SDC1: variants seen among roughly 807,000 people sequenced by gnomAD.
The protein encoded by SDC1 is syndecan-1.
Under a neutral mutation model 29.7 loss-of-function variants are expected in SDC1, and 14 were observed. The ratio of observed to expected loss-of-function variants is 0.47; its 90% CI spans 0.31 to 0.74. The LOEUF (loss-of-function observed/expected upper bound fraction) is 0.74, where lower values mean the gene tolerates loss of function less well. SDC1 is among the 30% of genes least tolerant of loss of function. The probability of loss-of-function intolerance (pLI) is 0.05; values close to 1 mark genes in which losing one functional copy is unlikely to be tolerated. For synonymous variants in SDC1, 204 were observed against 175.5 expected (o/e 1.16, Z -1.29); for missense variants, 406 against 400.3 (o/e 1.01, Z -0.12).
intron 1 of SDC1, among the ~76,000 whole-genome samples, chr2:20,215,931 G>C (rs538887262): frequency 6.6e-6 from 1 of 152,334 alleles, no homozygotes; most frequent in South Asian, 2.1e-4. Flanking sequence ...CTCAATAAAG[G>C]CAGGAAGGCC....
intron 1 of SDC1, among the ~76,000 whole-genome samples, chr2:20,218,908 C>T (rs576092887): frequency 1.4e-4 from 21 of 152,252 alleles, no homozygotes; most frequent in Middle Eastern, 3.4e-3. Context: ...TTTCCCAGGG[C>T]TGACGGCCAG....
intron 1 of SDC1, 89 bp from the exon 2 acceptor site, chr2:20,205,513 A>G: frequency 9.6e-7 from 1 of 1,040,980 alleles, no homozygotes; most frequent in Non-Finnish European, 1.5e-6. Context: ...GAGTGGACTC[A>G]CCCTACCCTG....
At chr2:20,219,189 G>A (rs1051411674) in intron 1 of SDC1, among the ~76,000 whole-genome samples, 2 of 151,850 alleles carry the variant, frequency 1.3e-5, no homozygotes, top group African/African-American at 4.8e-5. Flanking sequence ...ACCCTTACAG[G>A]CCCTGCCAAA....
chr2:20,209,458 G>A (rs2148287497), intron 1 of SDC1, among the ~76,000 whole-genome samples: 1 of 152,316 alleles, frequency 6.6e-6, no homozygotes, highest in Admixed American at 6.5e-5. Context: ...TCAGTGGGAT[G>A]GAGTTTCACT....
chr2:20,205,297 G>A, intron 2 of SDC1, 46 bp downstream of exon 2: 1 of 1,427,766 alleles, frequency 7.0e-7, no homozygotes, highest in Non-Finnish European at 9.9e-7. Context: ...CCACAGGCAT[G>A]ACCTGTTGCC....
In SDC1 at chr2:20,202,448, C is replaced by G. The variant is rs372847300; in HGVS notation, c.*318G>C. 6.3e-5 allele frequency: 38 copies of G among 601,112 alleles called. No individual in the cohort carries two copies. Among genetic ancestry groups the G allele is most frequent in the African/African-American group, 5.0e-4 (27 of 53,492 alleles). 37.2% of individuals were successfully genotyped at this position (601,112 alleles called of 1,614,324 possible). A position where few individuals can be genotyped will look rare whatever the true frequency, so the allele number is the denominator to read the frequency against. On this transcript the variant is annotated 3_prime_UTR_variant, in exon 5 of 5. Transcript: ENST00000254351. The stretch of plus-strand genomic sequence containing the variant: ...GGTCCAAAGCAGTCGGATCCCCCTC[C>G]CCTCCAGAGCTGGACCTGGGGAGAG...
chr2:20,224,887 G>A lies in SDC1; in HGVS notation c.-20C>T. 8.2e-7 allele frequency: 1 copy of A among 1,216,712 alleles called. No homozygotes were observed. Among genetic ancestry groups the A allele is most frequent in the Non-Finnish European group, 1.0e-6 (1 of 979,268 alleles). The allele number at this position is 1,216,712 out of a possible 1,614,324, so 75.4% of individuals were successfully genotyped here. A position where few individuals can be genotyped will look rare whatever the true frequency, so the allele number is the denominator to read the frequency against. On this transcript the variant is annotated 5_prime_UTR_variant, in exon 1 of 5. Transcript: ENST00000254351. This position sits in a 1 kb window ranked among gnomAD's most constrained non-coding sequence, Gnocchi z 4.9. ...CCTCATGCTGCCCGGACCGGCGGCG[G>A]GAGAGCGGCAGGCTGCGCGGGTCGC...
In SDC1 at chr2:20,204,170, G is replaced by C; in HGVS notation, c.270C>G (p.Thr90=). 6.2e-7 allele frequency: 1 copy of C among 1,600,714 alleles called. No individual in the cohort carries two copies. Among genetic ancestry groups the C allele is most frequent in the Non-Finnish European group, 8.5e-7 (1 of 1,179,834 alleles). The change falls in exon 3 of 5, where the codon ACC becomes ACG. Residue 90 remains threonine (T), a synonymous_variant. Transcript: ENST00000254351. ...PTGLEATAAS[T]STLPAGEGPK... is the part of the protein sequence containing the mutation. ...GCCCCTCTCCAGCCGGCAGGGTGGA[G>C]GTGGAGGCAGCTGTAGCCTCCAGGC...
At position 20,224,067 on chromosome 2, in the gene SDC1, G is replaced by A; in HGVS notation, c.66+735C>T. On this transcript the variant is annotated intron_variant, in intron 1 of 4. Transcript: ENST00000254351. The surrounding 1 kb of genome is among the most constrained non-coding windows in gnomAD (Gnocchi z 4.9). ...GGCGCCTGCGCCTCGGCCGTGCCCG[G>A]CACGGGAACGCGCCCTCCGGGGCCA... The A allele has an allele frequency of 3.5e-6, 1 of 289,230 alleles. No individual in the cohort carries two copies. 17.9% of individuals were successfully genotyped at this position (289,230 alleles called of 1,614,324 possible). A position where few individuals can be genotyped will look rare whatever the true frequency, so the allele number is the denominator to read the frequency against.
intron 1 of SDC1, among the ~76,000 whole-genome samples, chr2:20,210,917 G>C (rs1677446602): frequency 2.0e-5 from 3 of 152,102 alleles, no homozygotes; most frequent in Admixed American, 2.0e-4. Flanking sequence ...GCTTGAAACA[G>C]GGTCACAGTT....
intron 1 of SDC1, 118 bp from the exon 2 acceptor site, chr2:20,205,542 G>C (rs1677235395): frequency 1.3e-6 from 1 of 778,640 alleles, no homozygotes; most frequent in African/African-American, 1.7e-5. Flanking sequence ...AGGTACACAG[G>C]GAGAAGCCTT....
chr2:20,225,302 C>T (rs1677958114), upstream of SDC1: 1 of 153,650 alleles, frequency 6.5e-6, no homozygotes. Context: ...ACGTCGCTTT[C>T]GGGAGCTGTG....
At chr2:20,219,593 G>A (rs541648573) in intron 1 of SDC1, among the ~76,000 whole-genome samples, 3 of 152,194 alleles carry the variant, frequency 2.0e-5, no homozygotes, top group South Asian at 4.1e-4. Flanking sequence ...TCAGTGGAAG[G>A]TTCCAGAATA....
At chr2:20,215,952 G>A (rs1677614309) in intron 1 of SDC1, among the ~76,000 whole-genome samples, 1 of 152,270 alleles carries the variant, frequency 6.6e-6, no homozygotes, top group Non-Finnish European at 1.5e-5. Flanking sequence ...CAGGCCTTCA[G>A]GCTCAGGTGA....
At chr2:20,217,690 A>G (rs1230516474) in intron 1 of SDC1, among the ~76,000 whole-genome samples, 1 of 152,168 alleles carries the variant, frequency 6.6e-6, no homozygotes, top group Non-Finnish European at 1.5e-5. Context: ...GCAGTGGATC[A>G]AGGTTGGTTG....
At chr2:20,215,713 A>G (rs569974172) in intron 1 of SDC1, among the ~76,000 whole-genome samples, 1 of 152,244 alleles carries the variant, frequency 6.6e-6, no homozygotes, top group Non-Finnish European at 1.5e-5. Flanking sequence ...ACAGATGAGG[A>G]AACTGAGGCT....
intron 1 of SDC1, chr2:20,223,100 C>A (rs878979341): frequency 3.3e-5 from 14 of 427,630 alleles, no homozygotes; most frequent in South Asian, 6.0e-5. Flanking sequence ...GAAATCATGG[C>A]CCTCCCCGTG....
rs762773658 is a variant in SDC1 at position 20,203,984 on chromosome 2, G to A, written c.456C>T (p.His152=). Residue 152 remains histidine (H), a synonymous_variant, in exon 3 of 5, where the codon CAC becomes CAT. Coordinates refer to ENST00000254351, the MANE Select transcript of SDC1 (RefSeq NM_002997.5). ...ATTAQEPATS[H]PHRDMQPGHH... ...GGCCAGGCTGCATGTCCCTGTGGGG[G>A]TGGGAGGTGGCGGGCTCCTGGGCCG... The A allele has an allele frequency of 8.7e-6, 14 of 1,613,898 alleles. No individual in the cohort carries two copies. The East Asian group carries it at 2.2e-4, about 26-fold the overall frequency.
chr2:20,203,197 T>TC lies in SDC1; in HGVS notation c.652dup (p.Glu218GlyfsTer11). The TC allele has an allele frequency of 6.2e-7, 1 of 1,608,460 alleles. No individual in the cohort carries two copies. The highest frequency in any genetic ancestry group is 8.5e-7 in the Non-Finnish European group (1 of 1,176,142). On this transcript the variant is annotated frameshift_variant, in exon 4 of 5. Transcript: ENST00000254351. LOFTEE classifies it high-confidence loss of function. The stretch of plus-strand genomic sequence containing the variant: ...CTCCACGGCCACTACAGCCGTATTC[T>TC]CCCCCGAGGTTTCAAAGGTGAAGTC...
Sources: gnomAD v4.1 joint callset for allele counts (sites outside exome capture counted in the v4.1 genomes callset) on GRCh38, gnomAD v4.1.1 for gene constraint, Gnocchi (gnomAD v3.1) non-coding constraint, MANE v1.5 for transcripts, NCBI Gene and HGNC (gene_info 2026-07-23, HGNC 2026-07-21) for gene names.